Variants in CCL26 observed in about 807,000 individuals in gnomAD.
CCL26 encodes the protein C-C motif chemokine 26.
A neutral mutation model predicts 10.7 loss-of-function variants in CCL26; 10 were observed. The observed-to-expected ratio is 0.93, with a 90% CI of 0.57 to 1.58. The LOEUF (loss-of-function observed/expected upper bound fraction) is 1.58, where lower values mean the gene tolerates loss of function less well. Among genes scored for constraint, CCL26 ranks in the 40% most tolerant of loss-of-function variants. CCL26 has a pLI of 0.00. For synonymous variants in CCL26, 43 were observed against 41.4 expected (o/e 1.04, Z -0.15); for missense variants, 116 against 111.0 (o/e 1.05, Z -0.20).
At chr7:75,782,189 A>G (rs185834397) in intron 1 of CCL26, among the ~76,000 whole-genome samples, 17 of 152,074 alleles carry the variant, frequency 1.1e-4, no homozygotes, top group South Asian at 2.1e-4. Context: ...CTTAATTTCA[A>G]TTCCTTTCAT....
At chr7:75,770,860 A>G (rs1394203044) in intron 2 of CCL26, among the ~76,000 whole-genome samples, 6 of 152,272 alleles carry the variant, frequency 3.9e-5, no homozygotes, top group East Asian at 3.9e-4. Context: ...ATTGTAATAG[A>G]ACAGCTTTGT....
At chr7:75,777,786 C>T (rs1436756942) in intron 1 of CCL26, among the ~76,000 whole-genome samples, 1 of 145,112 alleles carries the variant, frequency 6.9e-6, no homozygotes, top group Admixed American at 7.0e-5. Flanking sequence ...TAGGATTCCA[C>T]CTGTGTAAAG....
At chr7:75,785,613 C>G (rs1305202954) in intron 1 of CCL26, among the ~76,000 whole-genome samples, 2 of 152,170 alleles carry the variant, frequency 1.3e-5, no homozygotes, top group East Asian at 3.8e-4. Flanking sequence ...ACAACAAGTC[C>G]TTTCCTTCCT....
At chr7:75,770,133 G>C (rs1273263842) in intron 2 of CCL26, among the ~76,000 whole-genome samples, 3 of 150,074 alleles carry the variant, frequency 2.0e-5, no homozygotes, top group Non-Finnish European at 4.4e-5. Flanking sequence ...GCAATGGCAT[G>C]ATCTCAGCTC....
chr7:75,772,072 A>G (rs782630401), intron 1 of CCL26, 32 bp downstream of exon 1: 26 of 1,605,848 alleles, frequency 1.6e-5, no homozygotes, highest in Non-Finnish European at 2.1e-5. Flanking sequence ...TCCGGGAAGG[A>G]ACCCCAGGAG....
At chr7:75,786,715 A>T (rs782165556) in intron 1 of CCL26, among the ~76,000 whole-genome samples, 4 of 152,118 alleles carry the variant, frequency 2.6e-5, no homozygotes, top group Non-Finnish European at 5.9e-5. Context: ...TCTTCTTCTC[A>T]TCGGTCACTC....
chr7:75,784,792 C>T (rs979688597), intron 1 of CCL26, among the ~76,000 whole-genome samples: 3 of 152,062 alleles, frequency 2.0e-5, no homozygotes, highest in South Asian at 2.1e-4. Flanking sequence ...ACATCCTCCC[C>T]TTGTATCTCC....
At chr7:75,779,391 T>A (rs1803011932) in intron 1 of CCL26, among the ~76,000 whole-genome samples, 1 of 152,100 alleles carries the variant, frequency 6.6e-6, no homozygotes, top group African/African-American at 2.4e-5. Flanking sequence ...GTAAGAAAGA[T>A]CCACCTATGA....
At chr7:75,780,972 A>C (rs58965859) in intron 1 of CCL26, among the ~76,000 whole-genome samples, 2 of 151,980 alleles carry the variant, frequency 1.3e-5, no homozygotes, top group African/African-American at 4.8e-5. Context: ...AGCTAAAGGC[A>C]TAGTCAAGGT....
chr7:75,789,461 CTT>C lies in CCL26; in HGVS notation c.-79+254_-79+255del, dbSNP rs35341116. 7.5e-3 allele frequency among the ~76,000 whole-genome samples: 925 copies of C among 122,928 alleles called. 10 individuals are homozygous for C. The highest frequency in any genetic ancestry group is 0.021 in the Middle Eastern group (5 of 236). The allele number at this position is 122,928 out of a possible 152,430, so 80.6% of individuals were successfully genotyped here. ...TGGGAACATCCATTTCTCTTTTTCT[CTT>C]TTTTTTTTTTTTTTGCCAGAATGTT... On this transcript the variant is annotated intron_variant, in intron 1 of 3. Transcript: ENST00000394905.
chr7:75,774,609 G>T (rs1435509896), upstream of CCL26, among the ~76,000 whole-genome samples: 1 of 151,778 alleles, frequency 6.6e-6, no homozygotes, highest in African/African-American at 2.4e-5. Context: ...CCATGCCCGG[G>T]TAATTTTTGT....
At position 75,771,960 on chromosome 7, in the gene CCL26, G is replaced by A. The variant is rs1258758306; in HGVS notation, c.117C>T (p.His39=). The A allele has an allele frequency of 3.7e-6, 6 of 1,614,180 alleles. No individual in the cohort carries two copies. The highest frequency in any genetic ancestry group is 3.3e-5 in the Admixed American group (2 of 60,016). ...ISKTCCFQYS[H]KPLPWTWVRS... The stretch of plus-strand genomic sequence containing the variant: ...GCACCCAGGTCCAGGGAAGGGGCTT[G>A]TGGCTGTATTGGAAGCAGCAGGTCT... Residue 39 remains histidine, a synonymous_variant, in exon 2 of 3, where the codon CAC becomes CAT. Transcript: ENST00000005180.
At chr7:75,789,447 A>G (rs1265008138) in intron 1 of CCL26, among the ~76,000 whole-genome samples, 1 of 131,032 alleles carries the variant, frequency 7.6e-6, no homozygotes, top group Non-Finnish European at 1.6e-5. Context: ...GGGAACATCC[A>G]TTTCTCTTTT....
intron 1 of CCL26, among the ~76,000 whole-genome samples, chr7:75,785,299 G>T (rs1341806903): frequency 6.6e-6 from 1 of 152,062 alleles, no homozygotes; most frequent in African/African-American, 2.4e-5. Flanking sequence ...AGGCTTCAGG[G>T]ACAGCCCTCA....
intron 1 of CCL26, among the ~76,000 whole-genome samples, chr7:75,784,677 C>G (rs1218400075): frequency 6.6e-6 from 1 of 152,124 alleles, no homozygotes; most frequent in Non-Finnish European, 1.5e-5. Flanking sequence ...GCCCAGCTCC[C>G]TTATTAGGTT....
At chr7:75,786,355 C>CT (rs1179926957) in intron 1 of CCL26, among the ~76,000 whole-genome samples, 2 of 152,188 alleles carry the variant, frequency 1.3e-5, no homozygotes, top group Non-Finnish European at 2.9e-5. Context: ...TCTTCCACAT[C>CT]TATCATTGAG....
intron 1 of CCL26, among the ~76,000 whole-genome samples, chr7:75,779,050 G>C (rs944465643): frequency 3.9e-5 from 6 of 152,124 alleles, no homozygotes; most frequent in Non-Finnish European, 8.8e-5. Flanking sequence ...ACATTACCTT[G>C]TGAAATTCCT....
upstream of CCL26, among the ~76,000 whole-genome samples, chr7:75,791,455 C>T (rs1311552322): frequency 6.6e-6 from 1 of 152,148 alleles, no homozygotes; most frequent in Non-Finnish European, 1.5e-5. Context: ...TGGCTGAAGC[C>T]CCTTCCCTGT....
intron 2 of CCL26, among the ~76,000 whole-genome samples, chr7:75,770,823 G>A (rs1563334483): frequency 6.6e-6 from 1 of 152,078 alleles, no homozygotes; most frequent in Non-Finnish European, 1.5e-5. Context: ...TTACAGGCCT[G>A]CGCCACCTCA....
Sources: gnomAD v4.1 joint callset for allele counts (sites outside exome capture counted in the v4.1 genomes callset) on GRCh38, gnomAD v4.1.1 for gene constraint, MANE v1.5 for transcripts, NCBI Gene and HGNC (gene_info 2026-07-23, HGNC 2026-07-21) for gene names.